YBEY: variants seen among roughly 807,000 people sequenced by gnomAD.
YBEY encodes the protein ybeY metalloendoribonuclease.
In YBEY, 15 loss-of-function variants were observed where a neutral mutation model predicts 13.5. The ratio of observed to expected loss-of-function variants is 1.11; its 90% CI spans 0.75 to 1.72. The LOEUF is 1.72. Among genes scored for constraint, YBEY ranks in the 40% most tolerant of loss-of-function variants. YBEY has a pLI of 0.00. For synonymous variants in YBEY, 101 were observed against 83.1 expected (o/e 1.21, Z -1.17); for missense variants, 244 against 208.4 (o/e 1.17, Z -1.05).
At chr21:46,287,196 T>C in intron 2 of YBEY, 73 bp downstream of exon 2, 1 of 1,426,704 alleles carries the variant, frequency 7.0e-7, no homozygotes, top group Non-Finnish European at 9.4e-7. Flanking sequence ...TTGTTTTGTT[T>C]TGTTTTGTTT....
chr21:46,288,731 A>C (rs1222203853), intron 2 of YBEY, among the ~76,000 whole-genome samples: 3 of 151,512 alleles, frequency 2.0e-5, no homozygotes, highest in Non-Finnish European at 4.4e-5. Context: ...GTAAAAATGT[A>C]TTGAAATGTT....
intron 4 of YBEY, 64 bp from the exon 5 acceptor site, chr21:46,297,475 G>T: frequency 7.7e-7 from 1 of 1,293,184 alleles, no homozygotes; most frequent in South Asian, 2.3e-5. Flanking sequence ...CCGAGGAGGC[G>T]ACCCCAGAGA....
intron 2 of YBEY, among the ~76,000 whole-genome samples, chr21:46,288,878 C>G (rs879543298): frequency 6.6e-6 from 1 of 151,894 alleles, no homozygotes; most frequent in Non-Finnish European, 1.5e-5. Context: ...AACAATTAGC[C>G]GGGCATGGTG....
chr21:46,297,873 C>T, downstream of YBEY: 4 of 955,186 alleles, frequency 4.2e-6, no homozygotes, highest in African/African-American at 1.7e-5. Context: ...GCGCTCGCCT[C>T]TCGCCCTTCA....
chr21:46,293,205 TCA>T (rs1229716986), intron 3 of YBEY, among the ~76,000 whole-genome samples: 8 of 89,610 alleles, frequency 8.9e-5, no homozygotes, highest in East Asian at 1.5e-3. Flanking sequence ...TGCCCGGGAC[TCA>T]GTGGGGACAG....
downstream of YBEY, chr21:46,300,407 G>T: frequency 5.4e-6 from 1 of 185,894 alleles, no homozygotes; most frequent in Non-Finnish European, 1.1e-5. Context: ...CTCCAGCCTG[G>T]GCGACAAGAG....
At chr21:46,290,837 G>A (rs2081668178) in intron 2 of YBEY, among the ~76,000 whole-genome samples, 1 of 151,916 alleles carries the variant, frequency 6.6e-6, no homozygotes, top group Non-Finnish European at 1.5e-5. Flanking sequence ...CCTGAGGTTG[G>A]GAGTTTGAGA....
At chr21:46,306,935 A>G in the YBEY span, among the ~76,000 whole-genome samples, 1 of 146,926 alleles carries the variant, frequency 6.8e-6, no homozygotes. Flanking sequence ...TTGGTCTGTC[A>G]CCCAGGCTGG....
the YBEY span, among the ~76,000 whole-genome samples, chr21:46,303,741 A>ATTTTTTT: frequency 4.1e-5 from 1 of 24,270 alleles, no homozygotes. Context: ...ATATATATAT[A>ATTTTTTT]TATATTTTTT....
At position 46,291,424 on chromosome 21, in the gene YBEY, C is replaced by CCTAGGAAGAT; in HGVS notation, c.301_302insCTAGGAAGAT (p.Gln101ProfsTer6). 6.2e-7 allele frequency: 1 copy of CCTAGGAAGAT among 1,614,044 alleles called. No individual in the cohort carries two copies. The highest frequency in any genetic ancestry group is 1.1e-5 in the South Asian group (1 of 91,058). ...CCTAGGAGTGGAGTATATCTTCCAT[C>CCTAGGAAGAT]AGTGTAAAGAAAATGAAGATTACAA... On this transcript the variant is annotated frameshift_variant, in exon 3 of 5. Transcript: ENST00000397701. LOFTEE classifies it high-confidence loss of function.
downstream of YBEY, among the ~76,000 whole-genome samples, chr21:46,298,575 GC>G (rs1465229770): frequency 6.6e-6 from 1 of 151,392 alleles, no homozygotes; most frequent in Non-Finnish European, 1.5e-5. Flanking sequence ...GACTACAGGC[GC>G]CCGCCACCTC....
downstream of YBEY, chr21:46,300,710 G>C: frequency 7.8e-7 from 1 of 1,286,606 alleles, no homozygotes. Flanking sequence ...TGGTCATCCT[G>C]TCTCCTACCT....
At chr21:46,291,644 C>T in intron 3 of YBEY, 182 bp downstream of exon 3, 1 of 1,396,588 alleles carries the variant, frequency 7.2e-7, no homozygotes, top group Non-Finnish European at 9.3e-7. Context: ...CCCCATGCCA[C>T]AGTTGAAGGA....
downstream of YBEY, among the ~76,000 whole-genome samples, chr21:46,299,683 T>C (rs2082059854): frequency 6.6e-6 from 1 of 152,102 alleles, no homozygotes; most frequent in African/African-American, 2.4e-5. Flanking sequence ...CCCTGGGTCA[T>C]CTTCAACCTC....
chr21:46,302,552 T>TGCAGCA (rs753899952), downstream of YBEY: 9 of 1,612,406 alleles, frequency 5.6e-6, no homozygotes, highest in African/African-American at 1.1e-4. Flanking sequence ...CTGTGCGTTC[T>TGCAGCA]GCAGCAGCAG....
chr21:46,291,248 C>A (rs2081697279), intron 2 of YBEY, 86 bp from the exon 3 acceptor site: 2 of 1,528,548 alleles, frequency 1.3e-6, no homozygotes, highest in Non-Finnish European at 8.8e-7. Flanking sequence ...TGCTTATTTG[C>A]CTTGGGATTA....
At chr21:46,308,040 CTG>C in the YBEY span, among the ~76,000 whole-genome samples, 1 of 151,968 alleles carries the variant, frequency 6.6e-6, no homozygotes, top group Admixed American at 6.5e-5. Context: ...GTCACCCAGG[CTG>C]GAGTACAAAG....
intron 2 of YBEY, 71 bp downstream of exon 2, chr21:46,287,194 T>C (rs1156629873): frequency 7.0e-7 from 1 of 1,422,438 alleles, no homozygotes; most frequent in Non-Finnish European, 9.5e-7. Flanking sequence ...TTTTGTTTTG[T>C]TTTGTTTTGT....
chr21:46,309,958 C>G, the YBEY span, among the ~76,000 whole-genome samples: 3 of 151,860 alleles, frequency 2.0e-5, no homozygotes, highest in Admixed American at 1.3e-4. Context: ...GATCACGCCA[C>G]TGCACTCCAG....
Sources: gnomAD v4.1 joint callset for allele counts (sites outside exome capture counted in the v4.1 genomes callset) on GRCh38, gnomAD v4.1.1 for gene constraint, MANE v1.5 for transcripts, NCBI Gene and HGNC (gene_info 2026-07-23, HGNC 2026-07-21) for gene names.